KDM5B: variants seen among roughly 807,000 people sequenced by gnomAD.
The protein encoded by KDM5B is lysine-specific demethylase 5B.
Under a neutral mutation model 193.4 loss-of-function variants are expected in KDM5B, and 144 were observed. That is an observed-to-expected ratio of 0.74 (90% CI 0.65 to 0.86). KDM5B has a LOEUF of 0.86. Among genes scored for constraint, KDM5B ranks in the 40% least tolerant of loss-of-function variants. The pLI is 0.00. For missense variants in KDM5B, 1,833 were observed against 1,886.9 expected (o/e 0.97, Z 0.53); for synonymous variants, 668 against 682.6 (o/e 0.98, Z 0.33).
intron 20 of KDM5B, among the ~76,000 whole-genome samples, chr1:202,738,399 A>G (rs960020452): frequency 2.0e-5 from 3 of 152,242 alleles, no homozygotes; most frequent in African/African-American, 7.2e-5. Context: ...TATCATTGAC[A>G]AGTGCCTGCA....
At position 202,773,184 on chromosome 1, in the gene KDM5B, A is replaced by G; in HGVS notation, c.510T>C (p.His170=). The change falls in exon 4 of 27, where the codon CAT becomes CAC. Residue 170 remains histidine, a synonymous_variant. Transcript: ENST00000367265. The part of the protein sequence containing the change: ...GFAPGKAVGS[H]IRGHYERILN... ...GAATTCGTTCATAATGCCCTCTGATATGTGAGCCCACTGCTTTGCCAGGAG... is the reference window on the plus strand; with the variant it reads ...GAATTCGTTCATAATGCCCTCTGATGTGTGAGCCCACTGCTTTGCCAGGAG... 6.2e-7 allele frequency: 1 copy of G among 1,613,602 alleles called. No homozygotes were observed. Among genetic ancestry groups the G allele is most frequent in the Non-Finnish European group, 8.5e-7 (1 of 1,179,462 alleles).
intron 4 of KDM5B, among the ~76,000 whole-genome samples, chr1:202,771,831 T>C (rs1186895118): frequency 2.0e-5 from 3 of 150,894 alleles, no homozygotes; most frequent in African/African-American, 4.9e-5. Context: ...CCACCCACCT[T>C]GGCCTCCCAA....
At chr1:202,753,784 C>T (rs1655897960) in intron 11 of KDM5B, among the ~76,000 whole-genome samples, 1 of 151,298 alleles carries the variant, frequency 6.6e-6, no homozygotes, top group South Asian at 2.1e-4. Flanking sequence ...ATTCTCCTGC[C>T]TCAGCCTCCC....
intron 16 of KDM5B, among the ~76,000 whole-genome samples, chr1:202,743,396 G>C (rs1192141170): frequency 8.8e-6 from 1 of 114,094 alleles, no homozygotes; most frequent in Admixed American, 8.0e-5. Context: ...ACAAAAAGAA[G>C]AAAACAACTG....
intron 14 of KDM5B, 61 bp from the exon 15 acceptor site, chr1:202,746,384 C>CA: frequency 1.0e-6 from 1 of 979,624 alleles, no homozygotes; most frequent in Non-Finnish European, 1.5e-6. Context: ...CAGCCCAAGA[C>CA]AAACATGCAG....
chr1:202,732,838 A>G (rs540721024), intron 23 of KDM5B, among the ~76,000 whole-genome samples: 345 of 152,336 alleles, frequency 2.3e-3, no homozygotes, highest in Non-Finnish European at 3.7e-3. Flanking sequence ...CCTATGGAAG[A>G]TAACAGAAAA....
rs1296673742 is a variant in KDM5B, at chr1:202,726,334, C to G, written c.*2702G>C. ...CACCTCCTAGGATACTGAAACGAAG[C>G]TGTAAAGAAGTCAACTTCCTTTACA... On this transcript the variant is annotated 3_prime_UTR_variant, in exon 27 of 27. Transcript: ENST00000367265. 4.6e-5 allele frequency: 7 copies of G among 152,170 alleles called. No homozygotes were observed. 9.4% of individuals were successfully genotyped at this position (152,170 alleles called of 1,614,324 possible). A position where few individuals can be genotyped will look rare whatever the true frequency, so the allele number is the denominator to read the frequency against.
At chr1:202,743,464 T>C (rs1163079091) in intron 16 of KDM5B, among the ~76,000 whole-genome samples, 2 of 152,178 alleles carry the variant, frequency 1.3e-5, no homozygotes, top group African/African-American at 4.8e-5. Context: ...TTCTTCCTCC[T>C]GCATTTTATT....
intron 20 of KDM5B, among the ~76,000 whole-genome samples, chr1:202,738,451 CTTTTGT>C (rs1330656279): frequency 1.3e-5 from 2 of 152,180 alleles, no homozygotes; most frequent in Admixed American, 1.3e-4. Context: ...ATAGTAAATA[CTTTTGT>C]TTTTGTTTTT....
At chr1:202,789,960 C>T (rs1000904647) in intron 1 of KDM5B, among the ~76,000 whole-genome samples, 6 of 152,092 alleles carry the variant, frequency 3.9e-5, no homozygotes, top group Non-Finnish European at 5.9e-5. Context: ...CAGTGGCTCA[C>T]GCCTGTAATC....
Position 202,736,399 on chromosome 1 carries a change from A to C in KDM5B, c.3085-7T>G. 6.5e-7 allele frequency: 1 copy of C among 1,534,782 alleles called. No homozygotes were observed. Among genetic ancestry groups the C allele is most frequent in the Non-Finnish European group, 8.8e-7 (1 of 1,139,704 alleles). The stretch of plus-strand genomic sequence containing the variant: ...CTGGCACACGTCCTCCAGCCTAATA[A>C]GTCAAGAAAAATTACAGCAGTTTAG... On this transcript the variant is annotated splice_region_variant and splice_polypyrimidine_tract_variant and intron_variant, in intron 20 of 26. Transcript: ENST00000367265.
intron 16 of KDM5B, among the ~76,000 whole-genome samples, chr1:202,744,047 C>T (rs1235085591): frequency 6.6e-6 from 1 of 152,142 alleles, no homozygotes; most frequent in Non-Finnish European, 1.5e-5. Context: ...AGTGAATAGA[C>T]AACCTACAGA....
chr1:202,747,964 T>G (rs933002763), intron 14 of KDM5B, among the ~76,000 whole-genome samples: 2 of 151,700 alleles, frequency 1.3e-5, no homozygotes, highest in South Asian at 4.2e-4. Context: ...AACAATTTTT[T>G]AAAAAAAACA....
intron 1 of KDM5B, among the ~76,000 whole-genome samples, chr1:202,803,017 G>A (rs1260520104): frequency 6.6e-6 from 1 of 151,874 alleles, no homozygotes; most frequent in Non-Finnish European, 1.5e-5. Flanking sequence ...AGACCAGCCT[G>A]GGCAACATAC....
chr1:202,739,453 T>C (rs1655217768), intron 20 of KDM5B, among the ~76,000 whole-genome samples: 1 of 150,040 alleles, frequency 6.7e-6, no homozygotes, highest in African/African-American at 2.4e-5. Context: ...TTTTTTTTTT[T>C]GCCTTTTTTA....
intron 1 of KDM5B, chr1:202,806,818 G>A (rs183630932): frequency 6.6e-6 from 1 of 152,298 alleles, no homozygotes; most frequent in African/African-American, 2.4e-5. Flanking sequence ...CTTAGAAGTG[G>A]GGGTGGGGGA....
intron 4 of KDM5B, among the ~76,000 whole-genome samples, chr1:202,768,397 G>A (rs773202990): frequency 6.6e-5 from 10 of 152,114 alleles, no homozygotes; most frequent in Middle Eastern, 3.2e-3. Context: ...AATGAGATAC[G>A]TGGAAATAAC....
intron 1 of KDM5B, among the ~76,000 whole-genome samples, chr1:202,789,523 C>A (rs549846539): frequency 7.7e-5 from 1 of 12,964 alleles, no homozygotes; most frequent in East Asian, 1.5e-3. Flanking sequence ...GGTGACAGAG[C>A]GAGACTCCAC....
rs145024625 is a variant in KDM5B at position 202,779,804 on chromosome 1, A to AAAATAAATAAATAAAT, written c.205-2726_205-2711dup. Among the ~76,000 whole-genome samples the AAAATAAATAAATAAAT allele has an allele frequency of 1.3e-3, 185 of 141,330 alleles. 1 individual carries two copies. The highest frequency in any genetic ancestry group is 3.1e-3 in the South Asian group (14 of 4,448). 92.7% of individuals were successfully genotyped at this position (141,330 alleles called of 152,430 possible). On this transcript the variant is annotated intron_variant, in intron 1 of 26. Transcript: ENST00000367265. ...GGCGACAGAGTCAGACTCCGTCTCA[A>AAAATAAATAAATAAAT]AAATAAATAAATAAATAAATAAATA... is the stretch of plus-strand genomic sequence containing the variant.
Sources: gnomAD v4.1 joint callset for allele counts (sites outside exome capture counted in the v4.1 genomes callset) on GRCh38, gnomAD v4.1.1 for gene constraint, MANE v1.5 for transcripts, NCBI Gene and HGNC (gene_info 2026-07-23, HGNC 2026-07-21) for gene names.